Variants in FARP2 observed in about 807,000 individuals in gnomAD.
FARP2 encodes FERM, ARH/RhoGEF and pleckstrin domain protein 2.
FARP2 carries 111 observed loss-of-function variants against 130.5 expected under a neutral mutation model. The ratio of observed to expected loss-of-function variants is 0.85; its 90% confidence interval spans 0.73 to 1.00. FARP2 has a LOEUF of 1.00. Ranked by LOEUF, FARP2 falls within the 50% of genes least tolerant of loss-of-function variation. The probability of loss-of-function intolerance (pLI) is 0.00; values close to 1 mark genes in which losing one functional copy is unlikely to be tolerated. For missense variants in FARP2, 1,385 were observed against 1,346.3 expected (o/e 1.03, Z -0.45); for synonymous variants, 504 against 516.9 (o/e 0.98, Z 0.34).
At chr2:241,373,562 C>T (rs1182226272) in intron 2 of FARP2, among the ~76,000 whole-genome samples, 2 of 152,176 alleles carry the variant, frequency 1.3e-5, no homozygotes, top group Non-Finnish European at 2.9e-5. Flanking sequence ...CTGGAAGGTG[C>T]AGACTGGAGC....
At chr2:241,431,533 A>C in intron 8 of FARP2, 146 bp from the exon 9 acceptor site, 1 of 570,146 alleles carries the variant, frequency 1.8e-6, no homozygotes, top group Non-Finnish European at 3.1e-6. Context: ...AGTTATTGAC[A>C]TTTTAAGTCA....
rs1416444339 is a variant in FARP2 at position 241,428,262 on chromosome 2, T to A, written c.772-3417T>A. Among the ~76,000 whole-genome samples the A allele has an allele frequency of 6.9e-5, 9 of 131,386 alleles. No homozygotes were observed. The Admixed American group carries it at 8.4e-4, about 12-fold the overall frequency. The allele number at this position is 131,386 out of a possible 152,430, so 86.2% of individuals were successfully genotyped here. Reference sequence around the variant, plus strand: ...TTTTTTTTTTTTTTTTGAGACGGAGTCTCCCTTTGTCGTCCAGGCTGGAGT... The same window carrying A: ...TTTTTTTTTTTTTTTTGAGACGGAGACTCCCTTTGTCGTCCAGGCTGGAGT... On this transcript the variant is annotated intron_variant, in intron 8 of 26. Coordinates refer to ENST00000264042, the MANE Select transcript of FARP2 (RefSeq NM_014808.4).
chr2:241,493,604 T>C, intron 26 of FARP2, 160 bp downstream of exon 26: 1 of 648,494 alleles, frequency 1.5e-6, no homozygotes, highest in Admixed American at 2.9e-5. Context: ...TTTGTTTTTT[T>C]TTTTTTTGGA....
chr2:241,358,208 T>TA (rs988357302), intron 1 of FARP2, among the ~76,000 whole-genome samples: 3 of 152,004 alleles, frequency 2.0e-5, no homozygotes, highest in African/African-American at 4.8e-5. Flanking sequence ...AAAAAATAAA[T>TA]AAAAAAAGCT....
At chr2:241,444,171 A>G (rs202022218) in intron 13 of FARP2, 6 of 106,354 alleles carry the variant, frequency 5.6e-5, no homozygotes, top group African/African-American at 1.8e-4. Flanking sequence ...TGCCTTCTTG[A>G]TGCTTTAGGG....
At chr2:241,425,801 A>G (rs1004960552) in intron 8 of FARP2, among the ~76,000 whole-genome samples, 1 of 142,896 alleles carries the variant, frequency 7.0e-6, no homozygotes. Context: ...CTGGAGTGCA[A>G]TGTCACTGCA....
chr2:241,476,020 G>A, intron 19 of FARP2, 33 bp downstream of exon 19: 1 of 1,588,068 alleles, frequency 6.3e-7, no homozygotes, highest in Non-Finnish European at 8.6e-7. Context: ...TGTTTTTTGA[G>A]CTACTTTGGT....
At chr2:241,366,127 A>ATATACACG (rs2061312140) in intron 1 of FARP2, among the ~76,000 whole-genome samples, 2 of 136,480 alleles carry the variant, frequency 1.5e-5, no homozygotes, top group Admixed American at 7.8e-5. Flanking sequence ...ATATACGTAT[A>ATATACACG]TATATATATA....
At chr2:241,383,417 G>C (rs2061708463) in intron 2 of FARP2, among the ~76,000 whole-genome samples, 1 of 152,234 alleles carries the variant, frequency 6.6e-6, no homozygotes, top group African/African-American at 2.4e-5. Context: ...CTTGAGAACA[G>C]TGTTCAGGTG....
At chr2:241,409,068 A>AT (rs2062445576) in intron 5 of FARP2, among the ~76,000 whole-genome samples, 1 of 151,916 alleles carries the variant, frequency 6.6e-6, no homozygotes, top group African/African-American at 2.4e-5. Flanking sequence ...AGATAGATAG[A>AT]TAGATAGATA....
chr2:241,413,655 G>A (rs1366424630), intron 7 of FARP2, among the ~76,000 whole-genome samples: 1 of 152,206 alleles, frequency 6.6e-6, no homozygotes, highest in Non-Finnish European at 1.5e-5. Context: ...AGAAGGTGCT[G>A]GAAGAAGCCA....
chr2:241,418,712 TTA>T (rs1291106352), intron 8 of FARP2, among the ~76,000 whole-genome samples: 1 of 152,180 alleles, frequency 6.6e-6, no homozygotes, highest in East Asian at 1.9e-4. Flanking sequence ...CCATTTGTGG[TTA>T]TGTGTGTGTA....
chr2:241,436,548 T>C lies in FARP2; in HGVS notation c.1158+10T>C. The stretch of plus-strand genomic sequence containing the variant: ...AGACCTACCAAAACAGGTTAGTCTC[T>C]TCCGGTTCAACATGGGGGCAGTAGG... On this transcript the variant is annotated intron_variant, in intron 12 of 26. Transcript: ENST00000264042. 6.2e-7 allele frequency: 1 copy of C among 1,610,328 alleles called. No individual in the cohort carries two copies. Among genetic ancestry groups the C allele is most frequent in the East Asian group, 2.2e-5 (1 of 44,858 alleles).
rs1169979091 is a variant in FARP2 at position 241,491,578 on chromosome 2, T to G, written c.2686T>G (p.Ser896Ala). 12 of 1,613,736 alleles carry G rather than the reference T, an allele frequency of 7.4e-6. No individual in the cohort carries two copies. The highest frequency in any genetic ancestry group is 3.3e-5 in the Admixed American group (2 of 60,000). The change falls in exon 24 of 27, where the codon TCC becomes GCC. Residue 896 changes from serine (S) to alanine (A), a missense_variant. Ser to Ala is a moderately conservative substitution (Grantham distance 99). Coordinates refer to ENST00000264042, the MANE Select transcript of FARP2 (RefSeq NM_014808.4). ...AGATGATGCTCGGGGTGTCCGCAGC[T>G]CCCTGGAGGGGCATGGCCAGCACCG... is the stretch of plus-strand genomic sequence containing the variant. ...SEDDARGVRS[S>A]LEGHGQHRAN...
At chr2:241,491,824 G>T in intron 24 of FARP2, 145 bp downstream of exon 24, 3 of 763,798 alleles carry the variant, frequency 3.9e-6, no homozygotes, top group Non-Finnish European at 6.0e-6. Flanking sequence ...CTTGGTAGAA[G>T]TTGGTATGGA....
intron 2 of FARP2, among the ~76,000 whole-genome samples, chr2:241,388,687 G>A (rs2061842495): frequency 6.6e-6 from 1 of 152,136 alleles, no homozygotes; most frequent in Non-Finnish European, 1.5e-5. Flanking sequence ...AATTAGCCAG[G>A]TGTGGTGTCA....
At chr2:241,453,935 C>T (rs1425175661) in intron 13 of FARP2, among the ~76,000 whole-genome samples, 1 of 136,342 alleles carries the variant, frequency 7.3e-6, no homozygotes, top group Non-Finnish European at 1.6e-5. Flanking sequence ...GGGCACATGC[C>T]ACCACACCTG....
intron 17 of FARP2, among the ~76,000 whole-genome samples, chr2:241,467,710 A>G (rs2064209037): frequency 6.6e-6 from 1 of 151,528 alleles, no homozygotes; most frequent in Non-Finnish European, 1.5e-5. Flanking sequence ...ACAACCGCTT[A>G]GTTCCACTCT....
chr2:241,394,971 A>G (rs1017311778), intron 2 of FARP2, among the ~76,000 whole-genome samples: 21 of 152,250 alleles, frequency 1.4e-4, no homozygotes, highest in Admixed American at 1.4e-3. Flanking sequence ...GTGGGCAGAC[A>G]GCGAGCAGCA....
Sources: gnomAD v4.1 joint callset for allele counts (sites outside exome capture counted in the v4.1 genomes callset) on GRCh38, gnomAD v4.1.1 for gene constraint, MANE v1.5 for transcripts, NCBI Gene and HGNC (gene_info 2026-07-23, HGNC 2026-07-21) for gene names.